Variants in SCHIP1 observed in about 807,000 individuals in gnomAD.
The protein encoded by SCHIP1 is schwannomin interacting protein 1, also known as schwannomin-interacting protein 1.
In SCHIP1, 8 loss-of-function variants were observed where a neutral mutation model predicts 29.7. That is an observed-to-expected ratio of 0.27 (90% CI 0.16 to 0.49). The LOEUF (loss-of-function observed/expected upper bound fraction) is 0.49, where lower values mean the gene tolerates loss of function less well. Ranked by LOEUF, SCHIP1 falls within the 20% of genes least tolerant of loss-of-function variation. The probability of loss-of-function intolerance (pLI) is 0.99; values close to 1 mark genes in which losing one functional copy is unlikely to be tolerated. For synonymous variants in SCHIP1, 76 were observed against 94.9 expected (o/e 0.80, Z 1.16); for missense variants, 193 against 294.6 (o/e 0.66, Z 2.52).
the SCHIP1 span, among the ~76,000 whole-genome samples, chr3:159,393,392 C>T: frequency 6.6e-6 from 1 of 151,858 alleles, no homozygotes; most frequent in Non-Finnish European, 1.5e-5. Context: ...CTTGCCCATG[C>T]CTATGTCCTG....
chr3:159,740,555 C>T, the SCHIP1 span, among the ~76,000 whole-genome samples: 1 of 151,866 alleles, frequency 6.6e-6, no homozygotes, highest in Non-Finnish European at 1.5e-5. Flanking sequence ...CCCCCTGCCC[C>T]CAAAAAATCC....
chr3:159,544,490 C>G, the SCHIP1 span, among the ~76,000 whole-genome samples: 2 of 152,008 alleles, frequency 1.3e-5, no homozygotes, highest in Non-Finnish European at 2.9e-5. Flanking sequence ...AGCATACTAT[C>G]AGCATATGAA....
chr3:159,575,385 A>G, the SCHIP1 span, among the ~76,000 whole-genome samples: 15 of 151,558 alleles, frequency 9.9e-5, no homozygotes, highest in South Asian at 2.9e-3. Flanking sequence ...AGTTATTTTT[A>G]TTCTATTTCT....
At chr3:159,335,025 G>A in the SCHIP1 span, among the ~76,000 whole-genome samples, 2 of 151,634 alleles carry the variant, frequency 1.3e-5, no homozygotes, top group Admixed American at 1.3e-4. Flanking sequence ...TCAGCCTTCT[G>A]AGTAGCTGGG....
the SCHIP1 span, among the ~76,000 whole-genome samples, chr3:159,527,441 T>C: frequency 6.6e-6 from 1 of 152,176 alleles, no homozygotes; most frequent in Non-Finnish European, 1.5e-5. Context: ...GCAGAGAAGA[T>C]CTCTGCGCCA....
At chr3:159,832,910 A>G in the SCHIP1 span, among the ~76,000 whole-genome samples, 1 of 152,204 alleles carries the variant, frequency 6.6e-6, no homozygotes, top group Non-Finnish European at 1.5e-5. Context: ...CTGTTACTAC[A>G]GTATATTGTT....
chr3:159,732,374 C>G, the SCHIP1 span, among the ~76,000 whole-genome samples: 1 of 152,162 alleles, frequency 6.6e-6, no homozygotes, highest in Non-Finnish European at 1.5e-5. Context: ...GGGAAGTTTG[C>G]GGGCAGCCCC....
At chr3:159,531,123 T>G in the SCHIP1 span, among the ~76,000 whole-genome samples, 5 of 152,210 alleles carry the variant, frequency 3.3e-5, no homozygotes, top group East Asian at 9.6e-4. Context: ...GGTTGGATAT[T>G]TTTTAATTGA....
chr3:159,790,185 C>G, the SCHIP1 span, among the ~76,000 whole-genome samples: 1 of 152,214 alleles, frequency 6.6e-6, no homozygotes, highest in African/African-American at 2.4e-5. Flanking sequence ...AGACTCTACT[C>G]AGCAGCTGGG....
the SCHIP1 span, among the ~76,000 whole-genome samples, chr3:159,320,990 A>C: frequency 1.3e-5 from 2 of 152,042 alleles, no homozygotes; most frequent in African/African-American, 4.8e-5. Flanking sequence ...TTTGAGACAG[A>C]ATCTCTGTCT....
At chr3:159,538,143 A>G in the SCHIP1 span, among the ~76,000 whole-genome samples, 3 of 152,160 alleles carry the variant, frequency 2.0e-5, no homozygotes, top group Admixed American at 6.6e-5. Context: ...AAAAACATGT[A>G]GTGCAAGGAG....
At chr3:159,829,004 C>T in the SCHIP1 span, among the ~76,000 whole-genome samples, 3 of 152,292 alleles carry the variant, frequency 2.0e-5, no homozygotes, top group Admixed American at 1.3e-4. Context: ...CGTTCTCTGA[C>T]TCCAAATGCT....
At chr3:159,547,118 C>T in the SCHIP1 span, among the ~76,000 whole-genome samples, 23 of 152,204 alleles carry the variant, frequency 1.5e-4, no homozygotes, top group African/African-American at 5.5e-4. Context: ...GCCGTTCTAA[C>T]TGGCATGAGA....
At chr3:159,353,707 A>C in the SCHIP1 span, among the ~76,000 whole-genome samples, 2 of 152,192 alleles carry the variant, frequency 1.3e-5, no homozygotes, top group African/African-American at 4.8e-5. Flanking sequence ...ATTTTTAAAA[A>C]GAGCTTAAGT....
chr3:159,350,930 TA>T, the SCHIP1 span, among the ~76,000 whole-genome samples: 1 of 151,884 alleles, frequency 6.6e-6, no homozygotes, highest in Admixed American at 6.6e-5. Context: ...TTTTTTCATT[TA>T]AAAAAAACCA....
the SCHIP1 span, among the ~76,000 whole-genome samples, chr3:159,646,971 G>C: frequency 6.6e-6 from 1 of 152,098 alleles, no homozygotes; most frequent in Admixed American, 6.6e-5. Flanking sequence ...TATCCATGTA[G>C]ATCTGGAACA....
At chr3:159,560,272 G>T in the SCHIP1 span, among the ~76,000 whole-genome samples, 1 of 152,174 alleles carries the variant, frequency 6.6e-6, no homozygotes, top group Non-Finnish European at 1.5e-5. Flanking sequence ...ATTATGGAAG[G>T]CTTATGATTC....
the SCHIP1 span, among the ~76,000 whole-genome samples, chr3:159,425,012 G>C: frequency 6.6e-6 from 1 of 151,568 alleles, no homozygotes; most frequent in Non-Finnish European, 1.5e-5. Flanking sequence ...GTCACCACCA[G>C]GCCTGCCTTA....
chr3:159,570,286 T>G, the SCHIP1 span, among the ~76,000 whole-genome samples: 1 of 152,322 alleles, frequency 6.6e-6, no homozygotes, highest in East Asian at 1.9e-4. Context: ...GGTCTAACAT[T>G]TAAGTCTTTA....
Sources: gnomAD v4.1 joint callset for allele counts (sites outside exome capture counted in the v4.1 genomes callset) on GRCh38, gnomAD v4.1.1 for gene constraint, MANE v1.5 for transcripts, NCBI Gene and HGNC (gene_info 2026-07-23, HGNC 2026-07-21) for gene names.